ARHGAP42: variants seen among roughly 807,000 people sequenced by gnomAD.
ARHGAP42 encodes rho GTPase-activating protein 42.
Under a neutral mutation model 125.0 loss-of-function variants are expected in ARHGAP42, and 63 were observed. The observed-to-expected ratio is 0.50, with a 90% CI of 0.41 to 0.62. The LOEUF (loss-of-function observed/expected upper bound fraction) is 0.62. Ranked by LOEUF, ARHGAP42 falls within the 20% of genes least tolerant of loss-of-function variation. The pLI, the probability that ARHGAP42 is intolerant of heterozygous loss-of-function variation, is 0.00. For synonymous variants in ARHGAP42, 339 were observed against 351.0 expected (o/e 0.97, Z 0.38); for missense variants, 766 against 1,024.2 (o/e 0.75, Z 3.44).
At position 100,976,960 on chromosome 11, in the gene ARHGAP42, G is replaced by T. The variant is rs1192928427; in HGVS notation, c.2382G>T (p.Arg794=). ...LDTASSNGYQ[R]PGSVVAAKAQ... ...CTGCCTCAAGCAATGGCTATCAGCG[G>T]CCTGGCTCAGTGTAAGTGAGCGTTT... Residue 794 remains arginine (R), a synonymous_variant, in exon 21 of 24, where the codon CGG becomes CGT. Coordinates refer to ENST00000298815, the MANE Select transcript of ARHGAP42 (RefSeq NM_152432.4). The T allele has an allele frequency of 3.2e-6, 5 of 1,551,198 alleles. No individual in the cohort carries two copies. In the South Asian group the frequency reaches 5.9e-5, roughly 18 times the overall value.
intron 1 of ARHGAP42, among the ~76,000 whole-genome samples, chr11:100,721,154 T>C (rs1043566904): frequency 1.3e-5 from 2 of 152,242 alleles, no homozygotes; most frequent in African/African-American, 4.8e-5. Flanking sequence ...CTCTGTGTTC[T>C]ACAACTGGAT....
At chr11:100,796,088 A>G (rs1343064189) in intron 3 of ARHGAP42, among the ~76,000 whole-genome samples, 1 of 151,998 alleles carries the variant, frequency 6.6e-6, no homozygotes, top group African/African-American at 2.4e-5. Context: ...GGGTTTTGGT[A>G]ACCTGCATTG....
At chr11:100,904,866 C>G (rs1866677586) in intron 4 of ARHGAP42, among the ~76,000 whole-genome samples, 1 of 152,136 alleles carries the variant, frequency 6.6e-6, no homozygotes, top group Non-Finnish European at 1.5e-5. Flanking sequence ...TTATTCTTAC[C>G]TTGTAGAATT....
chr11:100,859,354 T>G, intron 3 of ARHGAP42, 200 bp from the exon 4 acceptor site: 1 of 437,136 alleles, frequency 2.3e-6, no homozygotes. Flanking sequence ...TTTCACATTG[T>G]TGTTAGGATC....
chr11:100,792,105 T>C (rs970339342), intron 2 of ARHGAP42, among the ~76,000 whole-genome samples: 7 of 152,202 alleles, frequency 4.6e-5, no homozygotes, highest in African/African-American at 1.4e-4. Flanking sequence ...ACCCTGAGGC[T>C]GTATGAGCCA....
intron 22 of ARHGAP42, chr11:100,986,055 T>A (rs1858670632): frequency 2.2e-6 from 1 of 456,590 alleles, no homozygotes; most frequent in South Asian, 1.5e-5. Context: ...TCTTTCCTTT[T>A]TCTCACTCAT....
At chr11:100,906,837 A>G (rs1212511006) in intron 4 of ARHGAP42, among the ~76,000 whole-genome samples, 1 of 152,202 alleles carries the variant, frequency 6.6e-6, no homozygotes, top group Non-Finnish European at 1.5e-5. Flanking sequence ...ATCAACACTT[A>G]TTATTTCTCT....
Position 100,974,609 on chromosome 11 carries a change from T to C in ARHGAP42, c.1855+6T>C. 1 of 1,549,342 alleles carries C rather than the reference T, an allele frequency of 6.5e-7. No homozygotes were observed. Among genetic ancestry groups the C allele is most frequent in the South Asian group, 1.2e-5 (1 of 83,868 alleles). The stretch of plus-strand genomic sequence containing the variant: ...ATGCCTGGCCGAACCTGATAGTAAG[T>C]GCACCCGGCCTTAGGGAGATGCTTT... On this transcript the variant is annotated splice_donor_region_variant and intron_variant, in intron 19 of 23. Transcript: ENST00000298815.
intron 1 of ARHGAP42, among the ~76,000 whole-genome samples, chr11:100,710,087 T>C (rs1861536997): frequency 6.6e-6 from 1 of 152,210 alleles, no homozygotes; most frequent in African/African-American, 2.4e-5. Flanking sequence ...GCTCACACTT[T>C]GAGATTACTC....
At chr11:100,710,022 G>A (rs1245832768) in intron 1 of ARHGAP42, among the ~76,000 whole-genome samples, 1 of 152,134 alleles carries the variant, frequency 6.6e-6, no homozygotes, top group Admixed American at 6.5e-5. Context: ...GGTCGGGGGG[G>A]CATCTGCTGA....
At chr11:100,827,544 C>T (rs73577315) in intron 3 of ARHGAP42, among the ~76,000 whole-genome samples, 2,195 of 152,212 alleles carry the variant, frequency 0.014, 68 homozygotes, top group African/African-American at 0.049. Flanking sequence ...AAATGTTTAC[C>T]TGGGGTCATT....
At chr11:100,818,966 A>G (rs1230582887) in intron 3 of ARHGAP42, among the ~76,000 whole-genome samples, 1 of 152,138 alleles carries the variant, frequency 6.6e-6, no homozygotes, top group Non-Finnish European at 1.5e-5. Context: ...TGGGTTATGT[A>G]GAGGAGCAGA....
chr11:100,847,449 C>A (rs921783776), intron 3 of ARHGAP42, among the ~76,000 whole-genome samples: 1 of 152,108 alleles, frequency 6.6e-6, no homozygotes, highest in African/African-American at 2.4e-5. Flanking sequence ...GATGCCTTTT[C>A]TTTAAGGACC....
At chr11:100,899,449 A>G (rs993929772) in intron 4 of ARHGAP42, among the ~76,000 whole-genome samples, 1 of 152,000 alleles carries the variant, frequency 6.6e-6, no homozygotes, top group Non-Finnish European at 1.5e-5. Flanking sequence ...GGGTGTTAAA[A>G]TCTCCCATTA....
chr11:100,925,259 C>T (rs78943346), intron 6 of ARHGAP42, among the ~76,000 whole-genome samples: 7,002 of 151,968 alleles, frequency 0.046, 318 homozygotes, highest in East Asian at 0.25. Flanking sequence ...TAGCAATTAC[C>T]CACAGCTAGT....
chr11:100,987,338 TG>T (rs1399785740), intron 22 of ARHGAP42, among the ~76,000 whole-genome samples, 174 bp from the exon 23 acceptor site: 4 of 152,244 alleles, frequency 2.6e-5, no homozygotes, highest in Non-Finnish European at 5.9e-5. Context: ...TTTCTTGATC[TG>T]GTAATATGAT....
At chr11:100,831,201 G>A (rs899316753) in intron 3 of ARHGAP42, among the ~76,000 whole-genome samples, 3 of 152,068 alleles carry the variant, frequency 2.0e-5, no homozygotes, top group African/African-American at 7.2e-5. Context: ...ACCTACTCCA[G>A]CCAGCTGTTG....
intron 1 of ARHGAP42, among the ~76,000 whole-genome samples, chr11:100,740,876 T>C (rs931667528): frequency 6.6e-6 from 1 of 152,108 alleles, no homozygotes; most frequent in African/African-American, 2.4e-5. Context: ...ATAAAGAGGG[T>C]ATCTGTGGTT....
chr11:100,791,474 G>T (rs948922456), intron 2 of ARHGAP42, among the ~76,000 whole-genome samples: 1 of 151,948 alleles, frequency 6.6e-6, no homozygotes, highest in African/African-American at 2.4e-5. Flanking sequence ...GGATTTAGAG[G>T]AAAATTTCAG....
Sources: allele counts gnomAD v4.1 joint callset (sites outside exome capture counted in the v4.1 genomes callset), GRCh38; gene constraint gnomAD v4.1.1; transcripts MANE v1.5; gene names NCBI Gene and HGNC (gene_info 2026-07-23, HGNC 2026-07-21).